The following ARAP2 variants were observed in gnomAD, a reference collection of about 807,000 sequenced individuals.
The protein encoded by ARAP2 is ArfGAP with RhoGAP domain, ankyrin repeat and PH domain 2.
In ARAP2, 148 loss-of-function variants were observed where a neutral mutation model predicts 194.5. That is an observed-to-expected ratio of 0.76 (90% CI 0.67 to 0.87). The LOEUF is 0.87. Ranked by LOEUF, ARAP2 falls within the 40% of genes least tolerant of loss-of-function variation. The pLI, the probability that ARAP2 is intolerant of heterozygous loss-of-function variation, is 0.00. For missense variants in ARAP2, 2,128 were observed against 1,989.7 expected (o/e 1.07, Z -1.32); for synonymous variants, 695 against 683.5 (o/e 1.02, Z -0.26).
At chr4:36,164,144 G>T (rs546565263) in intron 11 of ARAP2, among the ~76,000 whole-genome samples, 27 of 152,158 alleles carry the variant, frequency 1.8e-4, no homozygotes, top group Non-Finnish European at 3.8e-4. Flanking sequence ...CACCAGCACA[G>T]TGCCTAGTAC....
intron 27 of ARAP2, among the ~76,000 whole-genome samples, chr4:36,106,988 C>T (rs1479917498): frequency 1.3e-5 from 2 of 151,858 alleles, no homozygotes. Context: ...TAAAAATTTT[C>T]TGAGATCTCA....
chr4:36,010,955 T>C (rs929728006), intron 9 of ARAP2, among the ~76,000 whole-genome samples: 1 of 152,180 alleles, frequency 6.6e-6, no homozygotes, highest in Admixed American at 6.5e-5. Flanking sequence ...CATAATGAAC[T>C]AAAGGTCAGA....
chr4:36,161,679 C>A (rs1208570754), intron 11 of ARAP2, 129 bp from the exon 12 acceptor site: 4 of 649,978 alleles, frequency 6.2e-6, no homozygotes, highest in South Asian at 3.7e-5. Flanking sequence ...CACACCAATA[C>A]CTGCTTTCCT....
At chr4:36,136,970 A>G (rs1443635755) in intron 19 of ARAP2, among the ~76,000 whole-genome samples, 1 of 151,770 alleles carries the variant, frequency 6.6e-6, no homozygotes, top group Non-Finnish European at 1.5e-5. Context: ...ATACACGTAT[A>G]TATGTAAAAT....
At chr4:36,177,259 T>C (rs1253196278) in intron 9 of ARAP2, among the ~76,000 whole-genome samples, 2 of 152,156 alleles carry the variant, frequency 1.3e-5, no homozygotes, top group African/African-American at 4.8e-5. Context: ...ATCGATTTTA[T>C]TTATGTAGAT....
chr4:36,025,942 T>A (rs370998886), intron 5 of ARAP2, among the ~76,000 whole-genome samples: 2 of 152,192 alleles, frequency 1.3e-5, no homozygotes, highest in African/African-American at 2.4e-5. Flanking sequence ...TCTTATTGTA[T>A]GCATCATGTT....
chr4:36,036,308 G>A lies in ARAP2; in HGVS notation n.607+9671C>T, dbSNP rs186034752. 1.2e-3 allele frequency among the ~76,000 whole-genome samples: 177 copies of A among 152,050 alleles called. 2 individuals are homozygous for A. In the Middle Eastern group the frequency reaches 0.014, roughly 12 times the overall value. On this transcript the variant is annotated intron_variant and non_coding_transcript_variant, in intron 5 of 12. Transcript: ENST00000503225. The stretch of plus-strand genomic sequence containing the variant: ...AGTTTAAATCTTCTAATCCATGGAC[G>A]TGGCATATAATTTAAATTTTCATTA...
intron 5 of ARAP2, among the ~76,000 whole-genome samples, chr4:36,028,635 T>C (rs1194114867): frequency 6.6e-6 from 1 of 151,506 alleles, no homozygotes; most frequent in East Asian, 1.9e-4. Flanking sequence ...AATCAGTCTA[T>C]TGATTTATTA....
At chr4:36,231,578 C>T (rs1751472352) in intron 1 of ARAP2, among the ~76,000 whole-genome samples, 1 of 152,088 alleles carries the variant, frequency 6.6e-6, no homozygotes, top group African/African-American at 2.4e-5. Context: ...TGGCCAATAA[C>T]TTGAGAGGAT....
chr4:36,093,276 A>G (rs1327245951), intron 27 of ARAP2, among the ~76,000 whole-genome samples: 1 of 152,142 alleles, frequency 6.6e-6, no homozygotes, highest in Non-Finnish European at 1.5e-5. Context: ...TATCTGGGTG[A>G]TGAAATAATC....
At chr4:36,212,202 T>C (rs992768931) in intron 5 of ARAP2, among the ~76,000 whole-genome samples, 194 bp downstream of exon 5, 1 of 152,038 alleles carries the variant, frequency 6.6e-6, no homozygotes, top group African/African-American at 2.4e-5. Context: ...AGAATGCAAC[T>C]ATTTACTTGA....
In ARAP2 at chr4:36,161,477, A is replaced by C; in HGVS notation, c.2247T>G (p.Asn749Lys). Reference protein sequence around the residue: ...SLKMDASIWSNELIELFIVIG... With the variant: ...SLKMDASIWSKELIELFIVIG... ...AAATAGGACTCACCTCGATGAGTTCATTGCTCCAAATGCTAGCATCCATTT... is the reference window on the plus strand; with the variant it reads ...AAATAGGACTCACCTCGATGAGTTCCTTGCTCCAAATGCTAGCATCCATTT... The change falls in exon 12 of 33, where the codon AAT (asparagine) becomes AAG (lysine). Residue 749 changes from asparagine to lysine, a missense_variant. Asn to Lys is a moderately conservative substitution (Grantham distance 94). Transcript: ENST00000303965. 1 of 1,613,878 alleles carries C rather than the reference A, an allele frequency of 6.2e-7. No homozygotes were observed. Among genetic ancestry groups the C allele is most frequent in the Non-Finnish European group, 8.5e-7 (1 of 1,179,822 alleles).
intron 2 of ARAP2, among the ~76,000 whole-genome samples, chr4:36,223,794 C>T (rs1199463533): frequency 6.6e-6 from 1 of 151,878 alleles, no homozygotes; most frequent in Non-Finnish European, 1.5e-5. Flanking sequence ...CATCTGATAG[C>T]CAGTAGAGAG....
At chr4:36,008,623 T>C (rs1331558487) in intron 9 of ARAP2, among the ~76,000 whole-genome samples, 2 of 151,892 alleles carry the variant, frequency 1.3e-5, no homozygotes, top group African/African-American at 2.4e-5. Flanking sequence ...CCCTTCTCAG[T>C]ATCAGCCTCG....
intron 1 of ARAP2, among the ~76,000 whole-genome samples, chr4:36,234,870 C>T (rs908253510): frequency 2.0e-5 from 3 of 152,180 alleles, no homozygotes; most frequent in Non-Finnish European, 2.9e-5. Context: ...TGCTTATAAG[C>T]ATGGTGCATC....
Position 36,127,069 on chromosome 4 carries a change from C to G in ARAP2, c.3640+1464G>C, listed in dbSNP as rs1724107635. Among the ~76,000 whole-genome samples, 3 of 152,030 alleles carry G rather than the reference C, an allele frequency of 2.0e-5. No homozygotes were observed. In the South Asian group the frequency reaches 6.2e-4, roughly 32 times the overall value. ...CAGGCTGGTCTCAAACTCCCGGCCT[C>G]AAGCTATCCTCCTGCCTTGGCCTCC... On this transcript the variant is annotated intron_variant, in intron 21 of 32. Coordinates refer to ENST00000303965, the MANE Select transcript of ARAP2 (RefSeq NM_015230.4).
chr4:36,244,674 C>T (rs1754337561), upstream of ARAP2, among the ~76,000 whole-genome samples: 1 of 152,074 alleles, frequency 6.6e-6, no homozygotes, highest in Non-Finnish European at 1.5e-5. Flanking sequence ...ACCTGGCGCA[C>T]CTCGGCCCGG....
Position 36,159,639 on chromosome 4 carries a change from T to C in ARAP2, c.2443-134A>G, listed in dbSNP as rs556318786. 59 of 808,830 alleles carry C rather than the reference T, an allele frequency of 7.3e-5. No homozygotes were observed. In the African/African-American group the frequency reaches 7.6e-4, roughly 10 times the overall value. The allele number at this position is 808,830 out of a possible 1,614,324, so 50.1% of individuals were successfully genotyped here. The stretch of plus-strand genomic sequence containing the variant: ...TTTATCCTAAGGCGGCTAATAATAA[T>C]TATGCCATGAATTAGGCAATAGGCA... On this transcript the variant is annotated intron_variant, in intron 13 of 32. Coordinates refer to ENST00000303965, the MANE Select transcript of ARAP2 (RefSeq NM_015230.4).
chr4:36,014,295 A>AAGAAAGAAAGAAAGAAGAGAAGAGAAG (rs1553861836), intron 8 of ARAP2, among the ~76,000 whole-genome samples: 1 of 143,252 alleles, frequency 7.0e-6, no homozygotes. Flanking sequence ...GAAAGAAAGA[A>AAGAAAGAAAGAAAGAAGAGAAGAGAAG]AGAAGAGAAG....
Sources: gnomAD v4.1 joint callset for allele counts (sites outside exome capture counted in the v4.1 genomes callset) on GRCh38, gnomAD v4.1.1 for gene constraint, MANE v1.5 for transcripts, NCBI Gene and HGNC (gene_info 2026-07-23, HGNC 2026-07-21) for gene names.